COL27A1: variants seen among roughly 807,000 people sequenced by gnomAD.
The protein encoded by COL27A1 is collagen alpha-1(XXVII) chain.
In COL27A1, 106 loss-of-function variants were observed where a neutral mutation model predicts 251.3. The observed-to-expected ratio is 0.42, with a 90% CI of 0.36 to 0.50. COL27A1 has a LOEUF of 0.50. Ranked by LOEUF, COL27A1 falls within the 20% of genes least tolerant of loss-of-function variation. The probability of loss-of-function intolerance (pLI) is 0.00; values close to 1 mark genes in which losing one functional copy is unlikely to be tolerated. For missense variants in COL27A1, 2,325 were observed against 2,522.8 expected (o/e 0.92, Z 1.68); for synonymous variants, 1,000 against 986.3 (o/e 1.01, Z -0.26).
At chr9:114,237,794 G>A in intron 19 of COL27A1, 79 bp downstream of exon 19, 2 of 1,195,574 alleles carry the variant, frequency 1.7e-6, no homozygotes, top group Admixed American at 1.7e-5. Flanking sequence ...GCCCAGGGAT[G>A]GGGAAAGACT....
chr9:114,166,866 T>C (rs1848921889), intron 2 of COL27A1, among the ~76,000 whole-genome samples: 1 of 152,222 alleles, frequency 6.6e-6, no homozygotes. Flanking sequence ...TCCATACGCT[T>C]TGCCAGGGGA....
rs2131626925 is a variant in COL27A1 at position 114,290,763 on chromosome 9, T to C, written c.4369-47T>C. 1 of 1,414,618 alleles carries C rather than the reference T, an allele frequency of 7.1e-7. No homozygotes were observed. The highest frequency in any genetic ancestry group is 9.6e-7 in the Non-Finnish European group (1 of 1,040,210). 87.6% of individuals were successfully genotyped at this position (1,414,618 alleles called of 1,614,324 possible). On this transcript the variant is annotated intron_variant, in intron 47 of 60. Transcript: ENST00000356083. This position sits in a 1 kb window ranked among gnomAD's most constrained non-coding sequence, Gnocchi z 4.6. ...GCGTTGAGCCATCTGCTTCCTTGGC[T>C]GTATCGTGAAACACAAGAGACCCTC...
chr9:114,235,684 C>T (rs1480992066), intron 17 of COL27A1, 32 bp downstream of exon 17: 1 of 1,526,712 alleles, frequency 6.6e-7, no homozygotes, highest in Admixed American at 1.7e-5. Flanking sequence ...CTCCCCCTGC[C>T]CCTGCCCCTG....
intron 56 of COL27A1, among the ~76,000 whole-genome samples, chr9:114,303,554 T>C (rs921870755): frequency 5.3e-5 from 8 of 152,144 alleles, no homozygotes; most frequent in Admixed American, 2.6e-4. Context: ...GTGCTTTTCA[T>C]GTATTCACTC....
At chr9:114,223,538 G>A (rs1011245462) in intron 14 of COL27A1, among the ~76,000 whole-genome samples, 17 of 152,152 alleles carry the variant, frequency 1.1e-4, no homozygotes, top group African/African-American at 4.1e-4. Flanking sequence ...CCTCCTGACT[G>A]AACTTCACCT....
intron 41 of COL27A1, among the ~76,000 whole-genome samples, chr9:114,285,207 C>A (rs1827377199): frequency 6.6e-6 from 1 of 152,134 alleles, no homozygotes; most frequent in Admixed American, 6.5e-5. Flanking sequence ...GAGCAAGGAA[C>A]CCCAGTGGTT....
chr9:114,190,768 C>T (rs1828699695), intron 5 of COL27A1, among the ~76,000 whole-genome samples: 1 of 152,204 alleles, frequency 6.6e-6, no homozygotes, highest in Non-Finnish European at 1.5e-5. Context: ...CTAATCCAGG[C>T]AGAGTCTGCC....
Position 114,264,366 on chromosome 9 carries a change from A to AC in COL27A1, c.3209dup (p.Asp1071GlyfsTer33). 6.3e-7 allele frequency: 1 copy of AC among 1,597,180 alleles called. No homozygotes were observed. The highest frequency in any genetic ancestry group is 8.5e-7 in the Non-Finnish European group (1 of 1,171,176). Reference sequence around the variant, plus strand: ...TTTTCCTATTCCAGGGCCCCCGAGGACCGGACGGACCAGCTGGGGAGCAAG... The same window carrying AC: ...TTTTCCTATTCCAGGGCCCCCGAGGACCCGGACGGACCAGCTGGGGAGCAAG... On this transcript the variant is annotated frameshift_variant, in exon 29 of 61. Coordinates refer to ENST00000356083, the MANE Select transcript of COL27A1 (RefSeq NM_032888.4). LOFTEE classifies it high-confidence loss of function.
chr9:114,245,148 G>GTTTTGTTTTTTTT (rs1833027956), intron 23 of COL27A1, among the ~76,000 whole-genome samples: 1 of 101,334 alleles, frequency 9.9e-6, no homozygotes, highest in African/African-American at 3.9e-5. Flanking sequence ...GTGCATTCTT[G>GTTTTGTTTTTTTT]TTTTTTTTTT....
In COL27A1 at chr9:114,183,267, T is replaced by C. The variant is rs10739406; in HGVS notation, c.2016+192T>C. 0.82 allele frequency among the ~76,000 whole-genome samples: 125,239 copies of C among 152,226 alleles called. 51,972 individuals carry two copies. Among genetic ancestry groups the C allele is most frequent in the East Asian group, 0.97 (5,003 of 5,172 alleles). ...CTGGTCCGGAGACACAGTGCTTCCG[T>C]CTGGGAGAGACTTGGGAGAGTCGGG... On this transcript the variant is annotated intron_variant, in intron 5 of 60. Coordinates refer to ENST00000356083, the MANE Select transcript of COL27A1 (RefSeq NM_032888.4).
At position 114,290,162 on chromosome 9, in the gene COL27A1, C is replaced by T; in HGVS notation, c.4260+51C>T. On this transcript the variant is annotated intron_variant, in intron 46 of 60. Transcript: ENST00000356083. This position sits in a 1 kb window ranked among gnomAD's most constrained non-coding sequence, Gnocchi z 4.6. Reference sequence around the variant, plus strand: ...AGCCAACCTCCCTGCCCGCCCCCCACACCCGCCCTCCTCCCACTCCCTGCA... The same window carrying T: ...AGCCAACCTCCCTGCCCGCCCCCCATACCCGCCCTCCTCCCACTCCCTGCA... The T allele has an allele frequency of 1.3e-6, 2 of 1,584,552 alleles. No homozygotes were observed. Among genetic ancestry groups the T allele is most frequent in the South Asian group, 1.1e-5 (1 of 89,344 alleles).
intron 28 of COL27A1, 35 bp downstream of exon 28, chr9:114,258,629 G>T (rs769388661): frequency 6.2e-7 from 1 of 1,606,622 alleles, no homozygotes; most frequent in Admixed American, 1.7e-5. Flanking sequence ...GCTGATGCTG[G>T]TGGGAGGGGG....
chr9:114,236,849 A>G, intron 17 of COL27A1, 132 bp from the exon 18 acceptor site: 7 of 777,184 alleles, frequency 9.0e-6, no homozygotes, highest in Non-Finnish European at 1.6e-5. Flanking sequence ...ACAGCAGGGA[A>G]AGGAAGGAAG....
At chr9:114,242,358 A>C in intron 22 of COL27A1, 127 bp downstream of exon 22, 1 of 754,604 alleles carries the variant, frequency 1.3e-6, no homozygotes, top group Non-Finnish European at 2.1e-6. Context: ...AGCCAGAGAG[A>C]GAACTAGGAC....
intron 60 of COL27A1, 25 bp downstream of exon 60, chr9:114,309,503 C>T (rs1829302570): frequency 2.5e-6 from 4 of 1,582,624 alleles, no homozygotes; most frequent in Non-Finnish European, 3.5e-6. Context: ...CCCTCCTAGG[C>T]CCTTCATGTG....
intron 24 of COL27A1, among the ~76,000 whole-genome samples, chr9:114,249,122 C>T (rs1452953707): frequency 2.0e-5 from 3 of 152,212 alleles, no homozygotes; most frequent in African/African-American, 7.2e-5. Context: ...CCAGAACCCA[C>T]ACACCTGAAG....
Position 114,250,612 on chromosome 9 carries a change from T to C in COL27A1, c.2980-3T>C, listed in dbSNP as rs7045877. 4.2e-4 allele frequency: 680 copies of C among 1,611,380 alleles called. 4 individuals carry two copies. In the African/African-American group the frequency reaches 8.1e-3, roughly 19 times the overall value. The stretch of plus-strand genomic sequence containing the variant: ...CTCTTGCTTTCGGGAATGTGTCTCA[T>C]AGGGATTTATGGGATTCATTGGTCT... On this transcript the variant is annotated splice_region_variant and splice_polypyrimidine_tract_variant and intron_variant, in intron 24 of 60. Transcript: ENST00000356083.
intron 60 of COL27A1, 112 bp from the exon 61 acceptor site, chr9:114,310,437 G>A (rs1265525905): frequency 1.7e-6 from 2 of 1,183,348 alleles, no homozygotes; most frequent in Non-Finnish European, 2.5e-6. Context: ...TTGCTACAAT[G>A]AAATACAGTA....
At chr9:114,167,606 G>A in intron 2 of COL27A1, 83 bp from the exon 3 acceptor site, 1 of 1,159,402 alleles carries the variant, frequency 8.6e-7, no homozygotes, top group Non-Finnish European at 1.2e-6. Context: ...GGTCCACATT[G>A]CCTGTGCCCC....
Sources: gnomAD v4.1 joint callset for allele counts (sites outside exome capture counted in the v4.1 genomes callset) on GRCh38, gnomAD v4.1.1 for gene constraint, Gnocchi (gnomAD v3.1) non-coding constraint, MANE v1.5 for transcripts, NCBI Gene and HGNC (gene_info 2026-07-23, HGNC 2026-07-21) for gene names.